Variants in PRKDC observed in about 807,000 individuals in gnomAD.
The protein encoded by PRKDC is protein kinase, DNA-activated, catalytic subunit, also known as DNA-dependent protein kinase catalytic subunit.
In PRKDC, 82 loss-of-function variants were observed where a neutral mutation model predicts 486.9. The ratio of observed to expected loss-of-function variants is 0.17; its 90% CI spans 0.14 to 0.20. PRKDC has a LOEUF of 0.20. Among genes scored for constraint, PRKDC ranks in the 10% least tolerant of loss-of-function variants. The pLI is 1.00. For missense variants in PRKDC, 4,504 were observed against 5,038.2 expected, an observed-to-expected ratio of 0.89 and a Z score of 3.21; for synonymous variants, 1,895 against 1,837.0, an observed-to-expected ratio of 1.03 and a Z score of -0.81.
rs2090660737 is a variant in PRKDC, at chr8:47,953,709, G to A, written c.632C>T (p.Ala211Val). ...LGELKTQMTS[A>V]VREPKLPVLA... ...AACAGGTAGTTTGGGCTCTCTTACTGCTGATGTCATCTAAAAGAAAAGATT... is the reference window on the plus strand; with the variant it reads ...AACAGGTAGTTTGGGCTCTCTTACTACTGATGTCATCTAAAAGAAAAGATT... Residue 211 changes from alanine to valine, a missense_variant, in exon 7 of 86, where the codon GCA becomes GTA. Physicochemically the swap from Ala to Val is moderately conservative, Grantham distance 64. Around this residue, in one of 6 missense-constraint regions of PRKDC, gnomAD observed 1,969 missense variants for 2,068.9 expected, o/e 0.95. Coordinates refer to ENST00000314191, the MANE Select transcript of PRKDC (RefSeq NM_006904.7). 3 of 1,611,914 alleles carry A rather than the reference G, an allele frequency of 1.9e-6. No homozygotes were observed. Among genetic ancestry groups the A allele is most frequent in the Non-Finnish European group, 2.5e-6 (3 of 1,179,052 alleles).
At chr8:47,929,029 T>C (rs777912632) in intron 19 of PRKDC, 63 bp downstream of exon 19, 4 of 1,222,186 alleles carry the variant, frequency 3.3e-6, no homozygotes, top group Non-Finnish European at 4.7e-6. Context: ...CTAGGATTTT[T>C]TCAATAGATA....
intron 64 of PRKDC, among the ~76,000 whole-genome samples, chr8:47,822,951 T>C (rs1423105376): frequency 6.6e-6 from 1 of 152,210 alleles, no homozygotes; most frequent in Admixed American, 6.5e-5. Context: ...AATTTGAATA[T>C]GTGTCCCCAC....
chr8:47,877,809 C>T lies in PRKDC; in HGVS notation c.5278G>A (p.Glu1760Lys). ...CGACAAAGAACTTCTGTCATCAATTCCAACAACATAGGGCTTTGAGATAAT... is the reference window on the plus strand; with the variant it reads ...CGACAAAGAACTTCTGTCATCAATTTCAACAACATAGGGCTTTGAGATAAT... Reference protein sequence around the residue: ...LELSQSPMLLELMTEVLCREQ... With the variant: ...LELSQSPMLLKLMTEVLCREQ... Residue 1760 changes from glutamate (E) to lysine (K), a missense_variant, in exon 40 of 86, where the codon GAA (glutamate) becomes AAA (lysine). Physicochemically the swap from Glu to Lys is moderately conservative, Grantham distance 56. Transcript: ENST00000314191. 1 of 1,594,988 alleles carries T rather than the reference C, an allele frequency of 6.3e-7. No homozygotes were observed. Among genetic ancestry groups the T allele is most frequent in the Non-Finnish European group, 8.6e-7 (1 of 1,169,570 alleles).
chr8:47,957,806 G>A (rs2090732724), intron 1 of PRKDC, among the ~76,000 whole-genome samples: 2 of 152,230 alleles, frequency 1.3e-5, no homozygotes, highest in African/African-American at 2.4e-5. Flanking sequence ...GAGCCACCGC[G>A]CCTGGCCAAG....
intron 76 of PRKDC, among the ~76,000 whole-genome samples, chr8:47,786,274 C>T (rs1168939929): frequency 6.7e-6 from 1 of 149,160 alleles, no homozygotes; most frequent in African/African-American, 2.5e-5. Flanking sequence ...TAGCCAAGCG[C>T]GGTGGCACTC....
At chr8:47,864,416 C>T in intron 41 of PRKDC, 140 bp downstream of exon 41, 1 of 724,328 alleles carries the variant, frequency 1.4e-6, no homozygotes, top group South Asian at 2.5e-5. Flanking sequence ...GAAATAAAGG[C>T]AGATCCCATG....
intron 31 of PRKDC, among the ~76,000 whole-genome samples, chr8:47,890,754 T>C (rs2089440117): frequency 6.6e-6 from 1 of 152,158 alleles, no homozygotes; most frequent in African/African-American, 2.4e-5. Context: ...AATTTGGCAA[T>C]TCGTACCAAG....
In PRKDC at chr8:47,927,787, T is replaced by G. The variant is rs760348139; in HGVS notation, c.2243A>C (p.Tyr748Ser). ...HNIIELDVRA[Y>S]VPALQMAFKL... Reference sequence around the variant, plus strand: ...AACGCCTACCTGCAGTGCAGGAACGTAGGCTCTAACATCGAGTTCAATGAT... The same window carrying G: ...AACGCCTACCTGCAGTGCAGGAACGGAGGCTCTAACATCGAGTTCAATGAT... The change falls in exon 20 of 86, where the codon TAC (tyrosine) becomes TCC (serine). Residue 748 changes from tyrosine (Y) to serine (S), a missense_variant. Transcript: ENST00000314191. 6.2e-5 allele frequency: 97 copies of G among 1,568,264 alleles called. No homozygotes were observed. The highest frequency in any genetic ancestry group is 8.3e-5 in the Non-Finnish European group (96 of 1,161,838).
chr8:47,958,348 A>C (rs1397602846), intron 1 of PRKDC, among the ~76,000 whole-genome samples: 1 of 152,176 alleles, frequency 6.6e-6, no homozygotes, highest in East Asian at 1.9e-4. Context: ...TTCAGAAAGA[A>C]AGCAGCCCTG....
intron 22 of PRKDC, among the ~76,000 whole-genome samples, chr8:47,917,160 C>T (rs1481074092): frequency 1.3e-5 from 2 of 151,982 alleles, no homozygotes; most frequent in Non-Finnish European, 2.9e-5. Context: ...GTGGCTGAGG[C>T]GGGAGGATCA....
intron 42 of PRKDC, 101 bp from the exon 43 acceptor site, chr8:47,862,642 C>T: frequency 8.3e-7 from 1 of 1,204,770 alleles, no homozygotes; most frequent in Non-Finnish European, 1.1e-6. Flanking sequence ...TTCAGCCTTT[C>T]TCGAGGGTCA....
At chr8:47,813,765 G>A (rs1456715921) in intron 68 of PRKDC, among the ~76,000 whole-genome samples, 1 of 152,046 alleles carries the variant, frequency 6.6e-6, no homozygotes, top group Non-Finnish European at 1.5e-5. Flanking sequence ...GTAGAGACAG[G>A]TTTTGTCCAT....
At chr8:47,832,064 G>T (rs945880263) in intron 59 of PRKDC, 138 bp from the exon 60 acceptor site, 4 of 698,520 alleles carry the variant, frequency 5.7e-6, no homozygotes, top group African/African-American at 5.3e-5. Context: ...GAGTGCAGGG[G>T]CCACAGCTGC....
At chr8:47,796,638 C>T (rs1411990609) in intron 73 of PRKDC, among the ~76,000 whole-genome samples, 9 of 151,050 alleles carry the variant, frequency 6.0e-5, no homozygotes, top group Admixed American at 1.3e-4. Flanking sequence ...CTTGCTCTGT[C>T]GTCTAGGCTA....
intron 14 of PRKDC, among the ~76,000 whole-genome samples, chr8:47,934,537 A>AAAATAAAT (rs8178025): frequency 2.0e-5 from 3 of 152,180 alleles, no homozygotes; most frequent in African/African-American, 7.2e-5. Flanking sequence ...TCTGTCTCAA[A>AAAATAAAT]AAATAAATAA....
intron 68 of PRKDC, among the ~76,000 whole-genome samples, chr8:47,811,617 T>A (rs780736762): frequency 5.3e-5 from 8 of 152,158 alleles, no homozygotes; most frequent in Non-Finnish European, 1.2e-4. Flanking sequence ...ATATGTTACT[T>A]CACAGATAAA....
At chr8:47,863,351 C>A (rs770042509) in intron 42 of PRKDC, 48 bp downstream of exon 42, 68 of 1,436,658 alleles carry the variant, frequency 4.7e-5, no homozygotes, top group Non-Finnish European at 6.4e-5. Context: ...TATATGTACC[C>A]AAAGCATTGA....
chr8:47,941,140 A>C (rs1428659408), intron 10 of PRKDC, among the ~76,000 whole-genome samples: 1 of 151,970 alleles, frequency 6.6e-6, no homozygotes, highest in African/African-American at 2.4e-5. Flanking sequence ...AAAAAAAAAA[A>C]AAAACCAAAA....
At chr8:47,833,589 C>A (rs1464352828) in intron 59 of PRKDC, among the ~76,000 whole-genome samples, 1 of 152,112 alleles carries the variant, frequency 6.6e-6, no homozygotes, top group Non-Finnish European at 1.5e-5. Flanking sequence ...GTCCCCGTGC[C>A]TTCCTCTGCT....
Sources: gnomAD v4.1 joint callset for allele counts (sites outside exome capture counted in the v4.1 genomes callset) on GRCh38, gnomAD v4.1.1 for gene constraint, gnomAD v4.1.1 regional missense constraint, MANE v1.5 for transcripts, NCBI Gene and HGNC (gene_info 2026-07-23, HGNC 2026-07-21) for gene names.